CNTN1: variants seen among roughly 807,000 people sequenced by gnomAD.
CNTN1 encodes the protein contactin 1, also known as contactin-1.
Under a neutral mutation model 126.4 loss-of-function variants are expected in CNTN1, and 38 were observed. The ratio of observed to expected loss-of-function variants is 0.30; its 90% CI spans 0.23 to 0.39. CNTN1 has a LOEUF of 0.39. Among genes scored for constraint, CNTN1 ranks in the 10% least tolerant of loss-of-function variants. The pLI, the probability that CNTN1 is intolerant of heterozygous loss-of-function variation, is 1.00. For synonymous variants in CNTN1, 413 were observed against 422.6 expected, an observed-to-expected ratio of 0.98 and a Z score of 0.28; for missense variants, 1,009 against 1,248.4, an observed-to-expected ratio of 0.81 and a Z score of 2.89.
intron 23 of CNTN1, among the ~76,000 whole-genome samples, chr12:41,031,047 C>T (rs552924098): frequency 1.3e-5 from 2 of 152,230 alleles, no homozygotes; most frequent in African/African-American, 4.8e-5. Context: ...AGAAGCCAGC[C>T]ACAGCGAGCT....
At chr12:40,876,143 A>G (rs889822854) in intron 1 of CNTN1, among the ~76,000 whole-genome samples, 7 of 149,670 alleles carry the variant, frequency 4.7e-5, no homozygotes, top group African/African-American at 1.5e-4. Context: ...GTAAAAGCCA[A>G]AAAAAAAAAA....
intron 1 of CNTN1, among the ~76,000 whole-genome samples, chr12:40,716,530 C>T (rs1942054352): frequency 6.6e-6 from 1 of 152,200 alleles, no homozygotes; most frequent in Admixed American, 6.5e-5. Flanking sequence ...TAAAGCTTTG[C>T]CTACACCACC....
At position 40,994,361 on chromosome 12, in the gene CNTN1, G is replaced by C. The variant is rs556986924; in HGVS notation, c.2113+1092G>C. On this transcript the variant is annotated intron_variant, in intron 17 of 23. Transcript: ENST00000551295. ...ACTCCATGATTAAAGGTCTGTATTT[G>C]AGATAGGTAAGTAAAAATATTTTAC... Among the ~76,000 whole-genome samples, 6 of 152,192 alleles carry C rather than the reference G, an allele frequency of 3.9e-5. No individual in the cohort carries two copies. The South Asian group carries it at 1.2e-3, about 32-fold the overall frequency.
intron 1 of CNTN1, among the ~76,000 whole-genome samples, chr12:40,853,901 C>A (rs572251282): frequency 6.6e-6 from 1 of 151,288 alleles, no homozygotes; most frequent in Admixed American, 6.6e-5. Context: ...TGACCATATG[C>A]CTCAGTAGTG....
At chr12:40,896,977 G>T (rs1423160187) in intron 1 of CNTN1, among the ~76,000 whole-genome samples, 1 of 152,202 alleles carries the variant, frequency 6.6e-6, no homozygotes, top group African/African-American at 2.4e-5. Flanking sequence ...GATGAAAATT[G>T]AGTTAATACT....
intron 1 of CNTN1, among the ~76,000 whole-genome samples, chr12:40,766,835 T>C (rs1429883799): frequency 6.6e-6 from 1 of 152,218 alleles, no homozygotes; most frequent in East Asian, 1.9e-4. Context: ...TGCCACCTTT[T>C]AGATGTGAGT....
At chr12:41,020,293 T>C in intron 19 of CNTN1, 44 bp from the exon 20 acceptor site, 3 of 1,247,078 alleles carry the variant, frequency 2.4e-6, no homozygotes, top group East Asian at 2.3e-5. Flanking sequence ...ATTTCTTAAA[T>C]GTAAATATCT....
intron 15 of CNTN1, chr12:40,972,553 G>C: frequency 1.9e-5 from 15 of 771,128 alleles, no homozygotes; most frequent in Non-Finnish European, 2.4e-5. Flanking sequence ...TATTATATGT[G>C]TGTGTATATA....
chr12:41,057,243 A>G (rs1484823485), intron 23 of CNTN1, among the ~76,000 whole-genome samples: 1 of 146,464 alleles, frequency 6.8e-6, no homozygotes, highest in Non-Finnish European at 1.5e-5. Flanking sequence ...ATATTTAGAT[A>G]TTATTTATAA....
chr12:40,798,075 G>T (rs773523000), intron 1 of CNTN1, among the ~76,000 whole-genome samples: 3 of 151,984 alleles, frequency 2.0e-5, no homozygotes, highest in Non-Finnish European at 4.4e-5. Flanking sequence ...ATACATGATA[G>T]ATCATGTTAT....
At position 40,808,560 on chromosome 12, in the gene CNTN1, T is replaced by A. The variant is rs922377945; in HGVS notation, c.-76-99797T>A. On this transcript the variant is annotated intron_variant, in intron 1 of 23. Transcript: ENST00000551295. Reference sequence around the variant, plus strand: ...GAATGATTTAGAGTATTTAGCATTTTAAAAATATAATTTAAAGCTTATCAT... The same window carrying A: ...GAATGATTTAGAGTATTTAGCATTTAAAAAATATAATTTAAAGCTTATCAT... Among the ~76,000 whole-genome samples, 7 of 152,204 alleles carry A rather than the reference T, an allele frequency of 4.6e-5. No homozygotes were observed. The East Asian group carries it at 1.2e-3, about 25-fold the overall frequency.
chr12:40,852,188 G>T (rs1008376405), intron 1 of CNTN1, among the ~76,000 whole-genome samples: 16 of 152,092 alleles, frequency 1.1e-4, no homozygotes, highest in African/African-American at 2.9e-4. Context: ...AAAAGAAAAA[G>T]AATAATAATA....
intron 16 of CNTN1, among the ~76,000 whole-genome samples, chr12:40,989,992 G>A (rs750102008): frequency 7.9e-5 from 12 of 151,968 alleles, no homozygotes; most frequent in African/African-American, 1.4e-4. Context: ...AAGTGCCACC[G>A]AGATTTGCAG....
intron 1 of CNTN1, among the ~76,000 whole-genome samples, chr12:40,793,780 G>GGAGGTT (rs1940308806): frequency 6.6e-6 from 1 of 151,824 alleles, no homozygotes; most frequent in Admixed American, 6.6e-5. Flanking sequence ...ACCCCTTCAG[G>GGAGGTT]GAGGTTATTC....
chr12:40,961,341 T>G (rs1462896344), intron 15 of CNTN1, among the ~76,000 whole-genome samples: 1 of 152,022 alleles, frequency 6.6e-6, no homozygotes, highest in Non-Finnish European at 1.5e-5. Flanking sequence ...ATTTGACTAT[T>G]GCAGAACTTG....
chr12:40,806,296 A>G (rs536644093), intron 1 of CNTN1, among the ~76,000 whole-genome samples: 1 of 152,100 alleles, frequency 6.6e-6, no homozygotes, highest in Non-Finnish European at 1.5e-5. Flanking sequence ...GCAGTAAGAG[A>G]TTTCAACTTG....
chr12:40,783,325 G>C (rs1479859135), intron 1 of CNTN1, among the ~76,000 whole-genome samples: 9 of 152,014 alleles, frequency 5.9e-5, no homozygotes, highest in Admixed American at 4.6e-4. Flanking sequence ...AAATATAGCT[G>C]TGTGAGATCA....
intron 1 of CNTN1, among the ~76,000 whole-genome samples, chr12:40,895,056 C>A (rs1046633317): frequency 1.3e-5 from 2 of 152,074 alleles, no homozygotes. Context: ...TCAAAGACTG[C>A]GACTCAAGTT....
intron 14 of CNTN1, among the ~76,000 whole-genome samples, chr12:40,947,820 C>T (rs954447184): frequency 1.5e-5 from 2 of 129,860 alleles, no homozygotes; most frequent in African/African-American, 2.8e-5. Flanking sequence ...CACACACACA[C>T]ACACACACAT....
Sources: allele counts gnomAD v4.1 joint callset (sites outside exome capture counted in the v4.1 genomes callset), GRCh38; gene constraint gnomAD v4.1.1; transcripts MANE v1.5; gene names NCBI Gene and HGNC (gene_info 2026-07-23, HGNC 2026-07-21).